Variants in PLCB1 observed in about 807,000 individuals in gnomAD.
The protein encoded by PLCB1 is phospholipase C beta 1.
In PLCB1, 46 loss-of-function variants were observed where a neutral mutation model predicts 161.8. The ratio of observed to expected loss-of-function variants is 0.28; its 90% CI spans 0.22 to 0.36. The LOEUF (loss-of-function observed/expected upper bound fraction) is 0.36, where lower values mean the gene tolerates loss of function less well. Among genes scored for constraint, PLCB1 ranks in the 10% least tolerant of loss-of-function variants. The pLI is 1.00. For synonymous variants in PLCB1, 517 were observed against 503.7 expected, an observed-to-expected ratio of 1.03 and a Z score of -0.35; for missense variants, 1,016 against 1,472.5, an observed-to-expected ratio of 0.69 and a Z score of 5.07.
intron 9 of PLCB1, 27 bp from the exon 10 acceptor site, chr20:8,684,905 C>A: frequency 6.3e-7 from 1 of 1,590,384 alleles, no homozygotes; most frequent in Non-Finnish European, 8.6e-7. Flanking sequence ...AATGCATTCA[C>A]ATCCTTTCTA....
At chr20:8,154,100 A>G (rs763822697) in intron 2 of PLCB1, among the ~76,000 whole-genome samples, 4 of 152,038 alleles carry the variant, frequency 2.6e-5, no homozygotes, top group Non-Finnish European at 5.9e-5. Context: ...CTATGGAAAT[A>G]TTTCATTTTG....
At chr20:8,453,531 A>G (rs1981166700) in intron 3 of PLCB1, among the ~76,000 whole-genome samples, 1 of 152,214 alleles carries the variant, frequency 6.6e-6, no homozygotes, top group African/African-American at 2.4e-5. Context: ...GTGGGCTACT[A>G]TTCTAGGGCC....
intron 2 of PLCB1, among the ~76,000 whole-genome samples, chr20:8,182,583 C>CTTTTTTTTT (rs113760426): frequency 7.2e-6 from 1 of 139,244 alleles, no homozygotes. Flanking sequence ...TCTTTTTTTT[C>CTTTTTTTTT]TTTTTTTTTT....
intron 3 of PLCB1, among the ~76,000 whole-genome samples, chr20:8,517,251 A>G (rs894445205): frequency 6.6e-6 from 1 of 152,202 alleles, no homozygotes; most frequent in Non-Finnish European, 1.5e-5. Context: ...AGATGCAGGA[A>G]CAAAACAGAA....
intron 2 of PLCB1, chr20:8,305,714 G>A (rs572585996): frequency 6.6e-6 from 1 of 152,298 alleles, no homozygotes; most frequent in African/African-American, 2.4e-5. Flanking sequence ...ACATCCACAA[G>A]GTTAGTTCCC....
chr20:8,568,940 G>A (rs1026936483), intron 3 of PLCB1, among the ~76,000 whole-genome samples: 4 of 152,178 alleles, frequency 2.6e-5, no homozygotes, highest in African/African-American at 4.8e-5. Flanking sequence ...TGGACAACTG[G>A]AAGCTAATCC....
chr20:8,267,705 C>T (rs1028509058), intron 2 of PLCB1, among the ~76,000 whole-genome samples: 1 of 152,108 alleles, frequency 6.6e-6, no homozygotes, highest in South Asian at 2.1e-4. Context: ...AGAACGGGAG[C>T]GGGCTTGAGC....
intron 27 of PLCB1, among the ~76,000 whole-genome samples, chr20:8,782,789 G>A (rs1283130792): frequency 2.0e-5 from 3 of 152,168 alleles, no homozygotes; most frequent in Non-Finnish European, 4.4e-5. Context: ...AAAGAAAGAG[G>A]CATCTTCTTT....
At chr20:8,619,810 C>G (rs1208114923) in intron 3 of PLCB1, among the ~76,000 whole-genome samples, 2 of 152,236 alleles carry the variant, frequency 1.3e-5, no homozygotes, top group Middle Eastern at 3.4e-3. Context: ...TATAGGTAGT[C>G]AAGTATACAC....
chr20:8,175,113 A>T (rs1265033849), intron 2 of PLCB1, among the ~76,000 whole-genome samples: 1 of 152,080 alleles, frequency 6.6e-6, no homozygotes, highest in Non-Finnish European at 1.5e-5. Flanking sequence ...TTACTTTTGC[A>T]CCAACCTAAT....
At chr20:8,765,009 A>C in intron 25 of PLCB1, 130 bp from the exon 26 acceptor site, 1 of 688,752 alleles carries the variant, frequency 1.5e-6, no homozygotes. Flanking sequence ...GGTAGAGCTG[A>C]CATCAAGCTT....
At chr20:8,210,536 G>A (rs1978767983) in intron 2 of PLCB1, among the ~76,000 whole-genome samples, 1 of 152,042 alleles carries the variant, frequency 6.6e-6, no homozygotes, top group Non-Finnish European at 1.5e-5. Context: ...TTGGGGCAAG[G>A]GATCAAAGGA....
intron 2 of PLCB1, among the ~76,000 whole-genome samples, chr20:8,367,745 G>T (rs1986761140): frequency 6.6e-6 from 1 of 152,136 alleles, no homozygotes; most frequent in Admixed American, 6.5e-5. Flanking sequence ...GTAATGAGTT[G>T]TTAAAACTAT....
chr20:8,872,648 A>G (rs1207416442), intron 31 of PLCB1, among the ~76,000 whole-genome samples: 1 of 152,092 alleles, frequency 6.6e-6, no homozygotes, highest in Non-Finnish European at 1.5e-5. Flanking sequence ...CTGGGTACTC[A>G]ATTCACAGGG....
chr20:8,875,631 A>G (rs2146330068), intron 31 of PLCB1, among the ~76,000 whole-genome samples: 1 of 151,366 alleles, frequency 6.6e-6, no homozygotes, highest in Admixed American at 6.6e-5. Context: ...CTGGAATTCC[A>G]AATTTTGAAA....
At chr20:8,449,548 A>C (rs1980981375) in intron 3 of PLCB1, among the ~76,000 whole-genome samples, 1 of 152,200 alleles carries the variant, frequency 6.6e-6, no homozygotes, top group South Asian at 2.1e-4. Context: ...GACAGCCCTC[A>C]ACCAGTGGAA....
intron 11 of PLCB1, among the ~76,000 whole-genome samples, chr20:8,705,846 T>A (rs1424628943): frequency 6.6e-6 from 1 of 152,116 alleles, no homozygotes; most frequent in Non-Finnish European, 1.5e-5. Context: ...GTGTAGATTA[T>A]GATAATGAAT....
At chr20:8,823,244 T>C (rs1483231115) in intron 31 of PLCB1, among the ~76,000 whole-genome samples, 2 of 152,224 alleles carry the variant, frequency 1.3e-5, no homozygotes, top group Non-Finnish European at 2.9e-5. Context: ...TGCCTCAGCC[T>C]CCCTGGTAGC....
chr20:8,382,597 G>A (rs1337750901), intron 3 of PLCB1, among the ~76,000 whole-genome samples: 3 of 146,988 alleles, frequency 2.0e-5, no homozygotes, highest in Non-Finnish European at 4.5e-5. Flanking sequence ...CCAGGCTGGA[G>A]TACAGTGGGG....
Sources: allele counts gnomAD v4.1 joint callset (sites outside exome capture counted in the v4.1 genomes callset), GRCh38; gene constraint gnomAD v4.1.1; transcripts MANE v1.5; gene names NCBI Gene and HGNC (gene_info 2026-07-23, HGNC 2026-07-21).